The following COL5A1 variants were observed in gnomAD, a reference collection of about 807,000 sequenced individuals.
The protein encoded by COL5A1 is collagen type V alpha 1 chain, also known as collagen alpha-1(V) chain.
In COL5A1, 16 loss-of-function variants were observed where a neutral mutation model predicts 263.7. That is an observed-to-expected ratio of 0.06 (90% CI 0.04 to 0.09). COL5A1 has a LOEUF of 0.09. COL5A1 is among the 10% of genes least tolerant of loss of function. COL5A1 has a pLI of 1.00. For missense variants in COL5A1, 2,036 were observed against 2,540.5 expected, an observed-to-expected ratio of 0.80 and a Z score of 4.27; for synonymous variants, 1,012 against 1,004.5, an observed-to-expected ratio of 1.01 and a Z score of -0.14.
In COL5A1 at chr9:134,801,140, G is replaced by A. The variant is rs114605391; in HGVS notation, c.2953-814G>A. On this transcript the variant is annotated intron_variant, in intron 37 of 65. Coordinates refer to ENST00000371817, the MANE Select transcript of COL5A1 (RefSeq NM_000093.5). Reference sequence around the variant, plus strand: ...GCCAAGCCAGGATCGTTATCTACGCGTGAGCATGCAGAGCGGGCGTGAGAT... The same window carrying A: ...GCCAAGCCAGGATCGTTATCTACGCATGAGCATGCAGAGCGGGCGTGAGAT... Among the ~76,000 whole-genome samples, 441 of 152,378 alleles carry A rather than the reference G, an allele frequency of 2.9e-3. 1 individual carries two copies. Among genetic ancestry groups the A allele is most frequent in the African/African-American group, 0.01 (418 of 41,580 alleles).
At chr9:134,787,576 A>G (rs1365314041) in intron 31 of COL5A1, among the ~76,000 whole-genome samples, 2 of 152,172 alleles carry the variant, frequency 1.3e-5, no homozygotes, top group African/African-American at 4.8e-5. Flanking sequence ...GGGTGTTTGG[A>G]TATTCACCAG....
chr9:134,776,351 G>A (rs982093669), intron 27 of COL5A1, among the ~76,000 whole-genome samples: 1 of 152,240 alleles, frequency 6.6e-6, no homozygotes. Flanking sequence ...GCATAACGCT[G>A]CTTCTGTGAG....
chr9:134,795,313 A>G lies in COL5A1; in HGVS notation c.2797A>G (p.Lys933Glu), dbSNP rs1837861445. The G allele has an allele frequency of 6.2e-7, 1 of 1,613,564 alleles. No individual in the cohort carries two copies. The highest frequency in any genetic ancestry group is 8.5e-7 in the Non-Finnish European group (1 of 1,179,936). ...PRGITGKPGP[K>E]GNSGGDGPAG... ...GGGCATCACTGGGAAGCCTGGCCCC[A>G]AGGTATGTTTTTGGCCTCCTGGGCG... is the stretch of plus-strand genomic sequence containing the variant. Residue 933 changes from lysine to glutamate, a missense_variant and splice_region_variant, in exon 34 of 66, where the codon AAG becomes GAG. Around this residue, in one of 3 missense-constraint regions of COL5A1, gnomAD observed 1,078 missense variants for 1,521.4 expected, o/e 0.71. Transcript: ENST00000371817.
At chr9:134,823,833 ATG>A (rs1208951157) in intron 61 of COL5A1, among the ~76,000 whole-genome samples, 3 of 151,140 alleles carry the variant, frequency 2.0e-5, no homozygotes, top group Admixed American at 1.3e-4. Context: ...TGCATGTGTA[ATG>A]TGTGTGTACA....
intron 43 of COL5A1, 150 bp downstream of exon 43, chr9:134,809,440 G>T: frequency 1.4e-6 from 1 of 712,392 alleles, no homozygotes; most frequent in Non-Finnish European, 2.5e-6. Flanking sequence ...CTGGCATTAG[G>T]GGATGATTTC....
At chr9:134,712,546 C>T (rs548063344) in intron 4 of COL5A1, among the ~76,000 whole-genome samples, 10 of 46,174 alleles carry the variant, frequency 2.2e-4, no homozygotes, top group East Asian at 1.8e-3. Context: ...TCTTGTCCCC[C>T]GTCCTTCCTG....
intron 65 of COL5A1, among the ~76,000 whole-genome samples, chr9:134,837,385 C>A (rs1236924017): frequency 6.6e-6 from 1 of 151,926 alleles, no homozygotes; most frequent in East Asian, 1.9e-4. Flanking sequence ...CACGAAGGAC[C>A]CTTGGAGGTT....
At chr9:134,779,149 C>T (rs975697509) in intron 27 of COL5A1, among the ~76,000 whole-genome samples, 4 of 152,244 alleles carry the variant, frequency 2.6e-5, no homozygotes, top group Admixed American at 1.3e-4. Context: ...ATCCCGGTGC[C>T]GGGGGCAGTG....
intron 28 of COL5A1, among the ~76,000 whole-genome samples, chr9:134,781,125 T>G (rs1357410326): frequency 2.0e-5 from 3 of 152,232 alleles, no homozygotes; most frequent in Non-Finnish European, 4.4e-5. Flanking sequence ...CTGCCGGCCT[T>G]AAAGCCATTC....
At position 134,682,517 on chromosome 9, in the gene COL5A1, A is replaced by G. The variant is rs1832891908; in HGVS notation, c.110-8395A>G. Among the ~76,000 whole-genome samples the G allele has an allele frequency of 1.3e-5, 2 of 152,186 alleles. No individual in the cohort carries two copies. Among genetic ancestry groups the G allele is most frequent in the African/African-American group, 4.8e-5 (2 of 41,436 alleles). ...AATAACCTTCTAATGAGATAAGGAG[A>G]TAAAGATGATACTAGAATCCTACCA... On this transcript the variant is annotated intron_variant, in intron 1 of 65. Coordinates refer to ENST00000371817, the MANE Select transcript of COL5A1 (RefSeq NM_000093.5). This position sits in a 1 kb window ranked among gnomAD's most constrained non-coding sequence, Gnocchi z 5.1.
intron 28 of COL5A1, among the ~76,000 whole-genome samples, chr9:134,782,149 G>T (rs551085316): frequency 5.3e-5 from 8 of 152,330 alleles, no homozygotes; most frequent in African/African-American, 1.9e-4. Context: ...ACCCAGGGGT[G>T]CGCGGGCCGC....
At chr9:134,683,828 T>A (rs567034526) in intron 1 of COL5A1, among the ~76,000 whole-genome samples, 3 of 152,326 alleles carry the variant, frequency 2.0e-5, no homozygotes, top group Admixed American at 2.0e-4. Context: ...TGGGCTTTTC[T>A]GGCTGATTGT....
chr9:134,743,125 C>G, intron 11 of COL5A1, among the ~76,000 whole-genome samples: 1 of 152,160 alleles, frequency 6.6e-6, no homozygotes, highest in South Asian at 2.1e-4. Flanking sequence ...GTCTTTGAGG[C>G]GAGTCCCTTC....
chr9:134,656,016 G>C (rs923399952), intron 1 of COL5A1, among the ~76,000 whole-genome samples: 25 of 152,180 alleles, frequency 1.6e-4, no homozygotes, highest in African/African-American at 5.8e-4. Context: ...AGCAAAGGAG[G>C]GTGGGCAGGT....
chr9:134,795,040 G>A, intron 32 of COL5A1, 42 bp from the exon 33 acceptor site: 1 of 1,605,574 alleles, frequency 6.2e-7, no homozygotes, highest in Non-Finnish European at 8.5e-7. Context: ...AGCAGGGCCG[G>A]GCATTTAGAG....
chr9:134,685,035 C>T (rs1832971185), intron 1 of COL5A1, among the ~76,000 whole-genome samples: 1 of 118,480 alleles, frequency 8.4e-6, no homozygotes, highest in South Asian at 3.2e-4. Context: ...TCCATCCATT[C>T]ATCCATCCAC....
At chr9:134,762,801 A>G (rs12555663) in intron 19 of COL5A1, among the ~76,000 whole-genome samples, 62,456 of 152,012 alleles carry the variant, frequency 0.41, 14,254 homozygotes, top group East Asian at 0.67. Context: ...GCCTCAGCAC[A>G]GTCTGCTGTA....
chr9:134,744,212 CT>C (rs1181212388), intron 11 of COL5A1, among the ~76,000 whole-genome samples: 3 of 152,202 alleles, frequency 2.0e-5, no homozygotes, highest in African/African-American at 7.2e-5. Flanking sequence ...CTCTCCTTGT[CT>C]TTAGAAGTGT....
In COL5A1 at chr9:134,742,793, G is replaced by A. The variant is rs556804923; in HGVS notation, c.1494+3985G>A. 1.8e-4 allele frequency among the ~76,000 whole-genome samples: 27 copies of A among 152,344 alleles called. No individual in the cohort carries two copies. In the East Asian group the frequency reaches 5.2e-3, roughly 29 times the overall value. ...AATCATGAGGCTGTGCATTTGTGAA[G>A]GTTCCCTATGATGCCATGGTGGCAG... On this transcript the variant is annotated intron_variant, in intron 11 of 65. Transcript: ENST00000371817. The surrounding 1 kb of genome is among the most constrained non-coding windows in gnomAD (Gnocchi z 4.6).
Sources: gnomAD v4.1 joint callset for allele counts (sites outside exome capture counted in the v4.1 genomes callset) on GRCh38, gnomAD v4.1.1 for gene constraint, gnomAD v4.1.1 regional missense constraint, Gnocchi (gnomAD v3.1) non-coding constraint, MANE v1.5 for transcripts, NCBI Gene and HGNC (gene_info 2026-07-23, HGNC 2026-07-21) for gene names.